The following TAFA2 variants were observed in gnomAD, a reference collection of about 807,000 sequenced individuals.
TAFA2 encodes the protein TAFA chemokine like family member 2.
TAFA2 carries 7 observed loss-of-function variants against 18.8 expected under a neutral mutation model. That is an observed-to-expected ratio of 0.37 (90% CI 0.21 to 0.70). TAFA2 has a LOEUF of 0.70. Among genes scored for constraint, TAFA2 ranks in the 30% least tolerant of loss-of-function variants. The pLI is 0.53. For missense variants in TAFA2, 122 were observed against 158.1 expected, an observed-to-expected ratio of 0.77 and a Z score of 1.23; for synonymous variants, 60 against 54.2, an observed-to-expected ratio of 1.11 and a Z score of -0.47.
chr12:62,014,974 ATTC>A (rs1880884176), intron 1 of TAFA2, among the ~76,000 whole-genome samples: 1 of 152,180 alleles, frequency 6.6e-6, no homozygotes, highest in Non-Finnish European at 1.5e-5. Context: ...CTATTAGCAA[ATTC>A]TTCTATAATT....
chr12:61,924,332 C>T (rs778470782), intron 1 of TAFA2, among the ~76,000 whole-genome samples: 1 of 152,128 alleles, frequency 6.6e-6, no homozygotes, highest in Non-Finnish European at 1.5e-5. Context: ...TTAAGGGCAG[C>T]CAGAGAGAAA....
intron 1 of TAFA2, among the ~76,000 whole-genome samples, chr12:61,897,961 G>A (rs533921373): frequency 3.3e-5 from 5 of 152,328 alleles, no homozygotes; most frequent in African/African-American, 7.2e-5. Flanking sequence ...TACAATGGGG[G>A]TGCAGGCATT....
chr12:61,922,665 G>A (rs980364919), intron 1 of TAFA2, among the ~76,000 whole-genome samples: 6 of 152,118 alleles, frequency 3.9e-5, no homozygotes, highest in Non-Finnish European at 8.8e-5. Context: ...CACAAAACAG[G>A]GCGACCATTT....
At chr12:61,884,502 AG>A (rs1875286505) in intron 1 of TAFA2, among the ~76,000 whole-genome samples, 1 of 152,168 alleles carries the variant, frequency 6.6e-6, no homozygotes, top group African/African-American at 2.4e-5. Context: ...CTTTTTTAGT[AG>A]GACACCGGTG....
At chr12:62,228,699 G>T (rs1361051843) in intron 1 of TAFA2, among the ~76,000 whole-genome samples, 2 of 151,854 alleles carry the variant, frequency 1.3e-5, no homozygotes, top group Non-Finnish European at 2.9e-5. Context: ...GGATTTTTTT[G>T]GTTATTCAGG....
At chr12:62,169,202 T>C (rs1202539596) in intron 1 of TAFA2, among the ~76,000 whole-genome samples, 3 of 152,208 alleles carry the variant, frequency 2.0e-5, no homozygotes, top group Admixed American at 1.3e-4. Flanking sequence ...GGTAGAGGAA[T>C]GTGCCTAGTT....
chr12:61,780,395 C>T (rs1870454126), intron 2 of TAFA2, among the ~76,000 whole-genome samples: 2 of 151,724 alleles, frequency 1.3e-5, no homozygotes, highest in South Asian at 4.1e-4. Flanking sequence ...TTAACATGCC[C>T]CTCTGCCTGG....
chr12:62,007,703 T>C (rs1172545957), intron 1 of TAFA2, among the ~76,000 whole-genome samples: 1 of 152,312 alleles, frequency 6.6e-6, no homozygotes, highest in East Asian at 1.9e-4. Context: ...TTTAAAGTTT[T>C]ACTTTCTTTT....
At chr12:61,832,718 CTCTG>C (rs1260575186) in intron 2 of TAFA2, among the ~76,000 whole-genome samples, 1 of 152,028 alleles carries the variant, frequency 6.6e-6, no homozygotes, top group African/African-American at 2.4e-5. Flanking sequence ...CTCTTTAAAA[CTCTG>C]TCTAAATATT....
At chr12:62,019,686 AGG>A (rs1473040073) in intron 1 of TAFA2, among the ~76,000 whole-genome samples, 5 of 103,428 alleles carry the variant, frequency 4.8e-5, no homozygotes, top group African/African-American at 7.3e-5. Context: ...GGGGGGAGGG[AGG>A]GGGATAGCAT....
rs894534184 is a variant in TAFA2 at position 61,982,534 on chromosome 12, C to G, written c.-1-115108G>C. ...TTAACTCATACCATGTTCCTAATACCTATCCAGGTTCTTAACATGTATCCA... is the reference window on the plus strand; with the variant it reads ...TTAACTCATACCATGTTCCTAATACGTATCCAGGTTCTTAACATGTATCCA... On this transcript the variant is annotated intron_variant, in intron 1 of 4. Transcript: ENST00000416284. Among the ~76,000 whole-genome samples the G allele has an allele frequency of 3.3e-5, 5 of 152,104 alleles. No individual in the cohort carries two copies. The East Asian group carries it at 5.8e-4, about 18-fold the overall frequency.
chr12:62,174,285 C>T (rs956762550), intron 1 of TAFA2, among the ~76,000 whole-genome samples: 3 of 151,958 alleles, frequency 2.0e-5, no homozygotes, highest in Non-Finnish European at 2.9e-5. Flanking sequence ...CACTGCCCTC[C>T]AGCTGGGCGA....
chr12:61,803,585 A>G (rs964784896), intron 2 of TAFA2, among the ~76,000 whole-genome samples: 1 of 151,952 alleles, frequency 6.6e-6, no homozygotes, highest in African/African-American at 2.4e-5. Context: ...ATATATATTA[A>G]CAGACTCCCT....
At chr12:62,004,956 T>A (rs1318629784) in intron 1 of TAFA2, among the ~76,000 whole-genome samples, 1 of 152,068 alleles carries the variant, frequency 6.6e-6, no homozygotes, top group Non-Finnish European at 1.5e-5. Context: ...TGATCTCACT[T>A]ATTTGTGGAA....
At chr12:62,136,787 T>C (rs954439115) in intron 1 of TAFA2, among the ~76,000 whole-genome samples, 3 of 152,174 alleles carry the variant, frequency 2.0e-5, no homozygotes, top group Non-Finnish European at 2.9e-5. Context: ...GAGTGGTATT[T>C]AGAGTATAGC....
intron 1 of TAFA2, among the ~76,000 whole-genome samples, chr12:61,897,971 T>C (rs553919897): frequency 2.6e-5 from 4 of 152,340 alleles, no homozygotes; most frequent in African/African-American, 7.2e-5. Context: ...GTGCAGGCAT[T>C]GGATAAATGC....
At position 61,862,819 on chromosome 12, in the gene TAFA2, A is replaced by T. The variant is rs114485187; in HGVS notation, c.106+4501T>A. Among the ~76,000 whole-genome samples the T allele has an allele frequency of 4.3e-3, 658 of 152,278 alleles. 2 individuals carry two copies. The highest frequency in any genetic ancestry group is 0.015 in the African/African-American group (607 of 41,560). On this transcript the variant is annotated intron_variant, in intron 2 of 4. Coordinates refer to ENST00000416284, the MANE Select transcript of TAFA2 (RefSeq NM_178539.5). ...AGATCTTACCCAAAGGGCTATTTAA[A>T]AATTATATTCCCTCCTGAATACTTC...
intron 1 of TAFA2, among the ~76,000 whole-genome samples, chr12:62,180,597 C>G (rs1470120911): frequency 2.0e-5 from 3 of 152,012 alleles, no homozygotes; most frequent in Non-Finnish European, 4.4e-5. Flanking sequence ...CAAGTACAGT[C>G]AAAGAGTTTT....
intron 1 of TAFA2, among the ~76,000 whole-genome samples, chr12:61,936,657 G>C (rs1348638739): frequency 1.3e-5 from 2 of 152,212 alleles, no homozygotes; most frequent in East Asian, 3.9e-4. Context: ...ACTAGGCAGA[G>C]ATGGAAAATA....
Sources: gnomAD v4.1 joint callset for allele counts (sites outside exome capture counted in the v4.1 genomes callset) on GRCh38, gnomAD v4.1.1 for gene constraint, MANE v1.5 for transcripts, NCBI Gene and HGNC (gene_info 2026-07-23, HGNC 2026-07-21) for gene names.